Variants in TCF7 observed in about 807,000 individuals in gnomAD.
TCF7 encodes the protein T-cell-factor-7.
In TCF7, 19 loss-of-function variants were observed where a neutral mutation model predicts 46.8. The observed-to-expected ratio is 0.41, with a 90% CI of 0.28 to 0.60. TCF7 has a LOEUF of 0.60. Ranked by LOEUF, TCF7 falls within the 20% of genes least tolerant of loss-of-function variation. TCF7 has a pLI of 0.35. For missense variants in TCF7, 547 were observed against 504.6 expected (o/e 1.08, Z -0.81); for synonymous variants, 245 against 213.4 (o/e 1.15, Z -1.29).
intron 3 of TCF7, among the ~76,000 whole-genome samples, chr5:134,130,173 G>A (rs1757922468): frequency 1.3e-5 from 2 of 152,220 alleles, no homozygotes; most frequent in South Asian, 2.1e-4. Context: ...CCCTACTGGA[G>A]TATATCTGCA....
Position 134,115,089 on chromosome 5 carries a change from C to T in TCF7, c.183C>T (p.Gly61=), listed in dbSNP as rs569692656. The change falls in exon 1 of 10, where the codon GGC becomes GGT. Residue 61 remains glycine (G), a synonymous_variant. Coordinates refer to ENST00000342854, the MANE Select transcript of TCF7 (RefSeq NM_003202.5). ...CGTCGCTCGTGAACGAGTCCGAGGG[C>T]GCGGCCGGCGGCGCAGGGATCCCGG... ...LKSSLVNESE[G]AAGGAGIPGV... 2 of 1,098,958 alleles carry T rather than the reference C, an allele frequency of 1.8e-6. No individual in the cohort carries two copies. Among genetic ancestry groups the T allele is most frequent in the Non-Finnish European group, 2.2e-6 (2 of 889,714 alleles). The allele number at this position is 1,098,958 out of a possible 1,614,324, so 68.1% of individuals were successfully genotyped here.
chr5:134,136,931 C>T (rs1010595056), intron 3 of TCF7, among the ~76,000 whole-genome samples: 1 of 152,170 alleles, frequency 6.6e-6, no homozygotes, highest in Non-Finnish European at 1.5e-5. Flanking sequence ...TCCTTGCAAA[C>T]GGGCTTTTCA....
At position 134,140,030 on chromosome 5, in the gene TCF7, G is replaced by A. The variant is rs113005740; in HGVS notation, c.635+992G>A. ...TTCAAAAGCATCCCCTAGGCCAGCA[G>A]TGCTGAAGACCAAGAGAGTTGAGCC... On this transcript the variant is annotated intron_variant, in intron 5 of 9. Coordinates refer to ENST00000342854, the MANE Select transcript of TCF7 (RefSeq NM_003202.5). Among the ~76,000 whole-genome samples, 12 of 152,336 alleles carry A rather than the reference G, an allele frequency of 7.9e-5. 1 individual carries two copies. Among genetic ancestry groups the A allele is most frequent in the African/African-American group, 2.9e-4 (12 of 41,570 alleles).
chr5:134,143,823 C>A (rs886356775), intron 9 of TCF7, 183 bp downstream of exon 9: 1 of 653,870 alleles, frequency 1.5e-6, no homozygotes, highest in Non-Finnish European at 2.6e-6. Flanking sequence ...CTATATTATA[C>A]TAAGTCCCAG....
chr5:134,115,397 T>A lies in TCF7; in HGVS notation c.316+10T>A. 1 of 1,595,826 alleles carries A rather than the reference T, an allele frequency of 6.3e-7. No individual in the cohort carries two copies. On this transcript the variant is annotated intron_variant, in intron 2 of 9. Transcript: ENST00000342854. ...GAGCCCCTGGAGGACGGTGAGTTTCTGCCCGGCCCGGCTTCCCTTCGTCGC... is the reference window on the plus strand; with the variant it reads ...GAGCCCCTGGAGGACGGTGAGTTTCAGCCCGGCCCGGCTTCCCTTCGTCGC...
chr5:134,143,148 G>T (rs1760121579), intron 8 of TCF7, 48 bp downstream of exon 8: 1 of 1,539,462 alleles, frequency 6.5e-7, no homozygotes, highest in Non-Finnish European at 8.8e-7. Flanking sequence ...GACCCTTTGA[G>T]ATACCATGCC....
Position 134,138,999 on chromosome 5 carries a change from C to G in TCF7, c.596C>G (p.Thr199Ser). The part of the protein sequence containing the change: ...TPDLSGFYSL[T>S]SGSMGQLPHT... ...GACCTCTCTGGCTTCTACTCCCTGA[C>G]CTCAGGCAGCATGGGGCAGCTCCCC... The change falls in exon 5 of 10, where the codon ACC becomes AGC. Residue 199 changes from threonine to serine, a missense_variant. By Grantham distance (58) the Thr-to-Ser change is moderately conservative. This residue lies in a region of TCF7 where 425 missense variants were observed against 349.9 expected (regional missense o/e 1.21). Coordinates refer to ENST00000342854, the MANE Select transcript of TCF7 (RefSeq NM_003202.5). The G allele has an allele frequency of 1.2e-6, 2 of 1,614,036 alleles. No individual in the cohort carries two copies. Among genetic ancestry groups the G allele is most frequent in the Middle Eastern group, 3.3e-4 (2 of 6,062 alleles).
chr5:134,116,014 C>T lies in TCF7; in HGVS notation c.422C>T (p.Pro141Leu). 3.1e-6 allele frequency: 5 copies of T among 1,613,088 alleles called. No homozygotes were observed. The highest frequency in any genetic ancestry group is 2.2e-5 in the East Asian group (1 of 44,878). Residue 141 changes from proline to leucine, a missense_variant, in exon 3 of 10, where the codon CCC becomes CTC. Coordinates refer to ENST00000342854, the MANE Select transcript of TCF7 (RefSeq NM_003202.5). ...YPPPSGAGQH[P>L]QPQPPLHKAN... ...CCCCCCTCGGGAGCAGGGCAGCACC[C>T]CCAGCCGCAGCCCCCGCTGGTAAGT...
chr5:134,115,597 G>C (rs1755692659), intron 2 of TCF7: 1 of 1,435,524 alleles, frequency 7.0e-7, no homozygotes, highest in Non-Finnish European at 9.1e-7. Context: ...GGAGTAAACA[G>C]ACCCCCGCCA....
Position 134,142,713 on chromosome 5 carries a change from C to T in TCF7, c.756-8C>T, listed in dbSNP as rs1464416403. The T allele has an allele frequency of 6.2e-7, 1 of 1,613,310 alleles. No homozygotes were observed. The highest frequency in any genetic ancestry group is 1.1e-5 in the South Asian group (1 of 90,962). Reference sequence around the variant, plus strand: ...GGCTCCTGAACAATCTGGATTTGTGCCCCTCAGGAAGACACAAGCAGAGTC... The same window carrying T: ...GGCTCCTGAACAATCTGGATTTGTGTCCCTCAGGAAGACACAAGCAGAGTC... On this transcript the variant is annotated splice_region_variant and splice_polypyrimidine_tract_variant and intron_variant, in intron 6 of 9. Coordinates refer to ENST00000342854, the MANE Select transcript of TCF7 (RefSeq NM_003202.5).
In TCF7 at chr5:134,143,713, C is replaced by G. The variant is rs914924614; in HGVS notation, c.1075+73C>G. 6 of 1,581,696 alleles carry G rather than the reference C, an allele frequency of 3.8e-6. No individual in the cohort carries two copies. In the Admixed American group the frequency reaches 1.0e-4, roughly 27 times the overall value. ...TTTCAAGAGCAGCCCTCCTCTGACC[C>G]AAAGGGAGGAACGCGGTACCCAGCT... On this transcript the variant is annotated intron_variant, in intron 9 of 9. Coordinates refer to ENST00000342854, the MANE Select transcript of TCF7 (RefSeq NM_003202.5).
chr5:134,114,432 A>C (rs1467677245), upstream of TCF7, among the ~76,000 whole-genome samples: 1 of 152,156 alleles, frequency 6.6e-6, no homozygotes, highest in Non-Finnish European at 1.5e-5. Context: ...CGCAGAAAGC[A>C]GGGGGAATAT....
intron 3 of TCF7, among the ~76,000 whole-genome samples, chr5:134,133,060 T>C (rs1385678710): frequency 6.6e-6 from 1 of 152,166 alleles, no homozygotes; most frequent in East Asian, 1.9e-4. Context: ...GAGTGAGCCC[T>C]GTCACCAGGC....
intron 9 of TCF7, chr5:134,144,928 C>T (rs1760464804): frequency 5.4e-6 from 8 of 1,470,768 alleles, no homozygotes; most frequent in Non-Finnish European, 7.6e-6. Flanking sequence ...TGACTCTGCA[C>T]ATGTTCCACT....
At chr5:134,139,243 C>G (rs1315274773) in intron 5 of TCF7, 9 of 704,160 alleles carry the variant, frequency 1.3e-5, no homozygotes, top group Admixed American at 3.0e-5. Context: ...CCCAGGGAGC[C>G]TGACATACTC....
chr5:134,111,680 C>T (rs144660027), upstream of TCF7, among the ~76,000 whole-genome samples: 31 of 152,178 alleles, frequency 2.0e-4, no homozygotes, highest in African/African-American at 7.2e-4. Context: ...CAACATGAGC[C>T]ACCCAGAAAG....
chr5:134,145,679 C>T (rs965283929), intron 9 of TCF7: 60 of 1,565,288 alleles, frequency 3.8e-5, no homozygotes, highest in Non-Finnish European at 5.0e-5. Context: ...TATCCACATA[C>T]ATATGCACGG....
rs1029100016 is a variant in TCF7 at position 134,147,666 on chromosome 5, GC to G, written c.*1365del. 1 of 152,316 alleles carries G rather than the reference GC, an allele frequency of 6.6e-6. No individual in the cohort carries two copies. The highest frequency in any genetic ancestry group is 2.4e-5 in the African/African-American group (1 of 41,352). The allele number at this position is 152,316 out of a possible 1,614,324, so 9.4% of individuals were successfully genotyped here. A position where few individuals can be genotyped will look rare whatever the true frequency, so the allele number is the denominator to read the frequency against. On this transcript the variant is annotated 3_prime_UTR_variant, in exon 10 of 10. Transcript: ENST00000342854. ...GTCTTTAATTTAATTTTTGTTTTTT[GC>G]CTAAATCCAAAGAAAAAGGGCTGCC...
chr5:134,144,454 G>A, intron 9 of TCF7: 1 of 325,388 alleles, frequency 3.1e-6, no homozygotes, highest in South Asian at 3.7e-5. Flanking sequence ...GGCATAAAAG[G>A]CTGGATCTCC....
Sources: gnomAD v4.1 joint callset for allele counts (sites outside exome capture counted in the v4.1 genomes callset) on GRCh38, gnomAD v4.1.1 for gene constraint, gnomAD v4.1.1 regional missense constraint, MANE v1.5 for transcripts, NCBI Gene and HGNC (gene_info 2026-07-23, HGNC 2026-07-21) for gene names.